Variants in MRTFA observed in about 807,000 individuals in gnomAD.
MRTFA encodes myocardin related transcription factor A.
A neutral mutation model predicts 83.5 loss-of-function variants in MRTFA; 20 were observed. That is an observed-to-expected ratio of 0.24 (90% CI 0.17 to 0.35). The LOEUF is 0.35. Ranked by LOEUF, MRTFA falls within the 10% of genes least tolerant of loss-of-function variation. MRTFA has a pLI of 1.00. For synonymous variants in MRTFA, 659 were observed against 541.2 expected (o/e 1.22, Z -3.02); for missense variants, 1,200 against 1,224.7 (o/e 0.98, Z 0.30).
At chr22:40,623,982 C>T (rs1017676538) in intron 1 of MRTFA, among the ~76,000 whole-genome samples, 8 of 152,078 alleles carry the variant, frequency 5.3e-5, no homozygotes, top group Admixed American at 1.3e-4. Flanking sequence ...CACATGCCTC[C>T]GGTACCAGCT....
intron 2 of MRTFA, among the ~76,000 whole-genome samples, chr22:40,561,027 T>TA (rs770835945): frequency 1.6e-4 from 25 of 152,254 alleles, no homozygotes; most frequent in African/African-American, 4.8e-4. Flanking sequence ...AAACAATTGG[T>TA]AAAAAAACTG....
chr22:40,516,031 G>T (rs747237171), intron 3 of MRTFA, among the ~76,000 whole-genome samples: 1 of 152,126 alleles, frequency 6.6e-6, no homozygotes, highest in Admixed American at 6.5e-5. Flanking sequence ...TTGACCAAAA[G>T]CCTACATGCA....
chr22:40,622,629 C>T (rs181422119), intron 1 of MRTFA, among the ~76,000 whole-genome samples: 6 of 152,208 alleles, frequency 3.9e-5, no homozygotes, highest in Admixed American at 6.5e-5. Context: ...ATTGAAGTGA[C>T]GCTGCCACAA....
chr22:40,622,107 T>A (rs1421716789), intron 1 of MRTFA, among the ~76,000 whole-genome samples: 1 of 152,086 alleles, frequency 6.6e-6, no homozygotes, highest in Non-Finnish European at 1.5e-5. Context: ...CCAAAAGATA[T>A]CCATAGCCTA....
chr22:40,610,795 A>G (rs575065699), intron 1 of MRTFA, among the ~76,000 whole-genome samples: 28 of 151,938 alleles, frequency 1.8e-4, no homozygotes, highest in African/African-American at 5.1e-4. Flanking sequence ...TAAATAGGGG[A>G]AAAAAAGTCT....
In MRTFA at chr22:40,435,517, C is replaced by T. The variant is rs755529229; in HGVS notation, c.345G>A (p.Arg115=). The T allele has an allele frequency of 4.3e-6, 7 of 1,614,226 alleles. No homozygotes were observed. The highest frequency in any genetic ancestry group is 5.1e-6 in the Non-Finnish European group (6 of 1,180,040). ...ACCTTACCCTGGCCCGCTCCAAGCTCCTTCTCTGCTCATGAAATGCGGCTG... is the reference window on the plus strand; with the variant it reads ...ACCTTACCCTGGCCCGCTCCAAGCTTCTTCTCTGCTCATGAAATGCGGCTG... The change falls in exon 5 of 15, where the codon AGG becomes AGA. Residue 115 remains arginine (R), a synonymous_variant. Coordinates refer to ENST00000355630, the MANE Select transcript of MRTFA (RefSeq NM_020831.6).
intron 1 of MRTFA, among the ~76,000 whole-genome samples, chr22:40,611,059 T>G (rs1455856813): frequency 6.8e-6 from 1 of 147,472 alleles, no homozygotes; most frequent in Non-Finnish European, 1.5e-5. Context: ...GGCCTCAGCC[T>G]CCCATGTAGC....
At chr22:40,479,939 T>C (rs1460242750) in intron 3 of MRTFA, among the ~76,000 whole-genome samples, 1 of 152,156 alleles carries the variant, frequency 6.6e-6, no homozygotes. Context: ...AACTTACACA[T>C]CTAACCAGGT....
chr22:40,608,011 C>G (rs116208827), intron 1 of MRTFA, among the ~76,000 whole-genome samples: 1 of 151,970 alleles, frequency 6.6e-6, no homozygotes, highest in African/African-American at 2.4e-5. Flanking sequence ...CATAGACAGG[C>G]CATCAGGGGT....
chr22:40,418,014 C>CA (rs2052723558), intron 12 of MRTFA, among the ~76,000 whole-genome samples: 1 of 152,138 alleles, frequency 6.6e-6, no homozygotes, highest in African/African-American at 2.4e-5. Context: ...GAGGACCCCA[C>CA]AGCCTCTCCC....
chr22:40,552,015 C>G, intron 3 of MRTFA, 91 bp downstream of exon 3: 1 of 394,478 alleles, frequency 2.5e-6, no homozygotes, highest in Non-Finnish European at 4.5e-6. Flanking sequence ...GGAACTTTCA[C>G]GGAACATCAA....
At chr22:40,565,512 A>C (rs2055689935) in intron 2 of MRTFA, among the ~76,000 whole-genome samples, 2 of 152,212 alleles carry the variant, frequency 1.3e-5, no homozygotes, top group South Asian at 4.1e-4. Context: ...GCACCACTGC[A>C]TTCCAGCCTG....
At position 40,594,279 on chromosome 22, in the gene MRTFA, CAG is replaced by C. The variant is rs1700401716; in HGVS notation, c.-22+393_-22+394del. ...ACAGGCTACTGATTTTTAGAGTGATCAGAATAAGCTAGCCTACCATTACCCAC... is the reference window on the plus strand; with the variant it reads ...ACAGGCTACTGATTTTTAGAGTGATCAATAAGCTAGCCTACCATTACCCAC... On this transcript the variant is annotated intron_variant, in intron 2 of 14. Transcript: ENST00000355630. 3.3e-5 allele frequency among the ~76,000 whole-genome samples: 5 copies of C among 152,270 alleles called. No individual in the cohort carries two copies. The South Asian group carries it at 1.0e-3, about 32-fold the overall frequency.
At chr22:40,499,986 ATC>A (rs2054430091) in intron 3 of MRTFA, among the ~76,000 whole-genome samples, 1 of 130,666 alleles carries the variant, frequency 7.7e-6, no homozygotes, top group African/African-American at 3.0e-5. Context: ...AAATGGTACG[ATC>A]TCGGCTCACC....
intron 1 of MRTFA, among the ~76,000 whole-genome samples, chr22:40,619,889 C>CAAAAAA (rs1213944103): frequency 1.9e-5 from 1 of 52,438 alleles, no homozygotes; most frequent in African/African-American, 7.6e-5. Flanking sequence ...AACTCCGTCT[C>CAAAAAA]AAAAAAAAAA....
chr22:40,535,406 A>G lies in MRTFA; in HGVS notation c.241+16700T>C, dbSNP rs116452630. Reference sequence around the variant, plus strand: ...TCTCACTCTGTCCCCCAGACTGAGTACAATGGCATGATCTCAGGTCACTGC... The same window carrying G: ...TCTCACTCTGTCCCCCAGACTGAGTGCAATGGCATGATCTCAGGTCACTGC... On this transcript the variant is annotated intron_variant, in intron 3 of 14. Coordinates refer to ENST00000355630, the MANE Select transcript of MRTFA (RefSeq NM_020831.6). Among the ~76,000 whole-genome samples, 626 of 131,362 alleles carry G rather than the reference A, an allele frequency of 4.8e-3. 6 individuals carry two copies. Among genetic ancestry groups the G allele is most frequent in the African/African-American group, 0.018 (602 of 34,278 alleles). The allele number at this position is 131,362 out of a possible 152,430, so 86.2% of individuals were successfully genotyped here.
chr22:40,517,261 G>A (rs935721343), intron 3 of MRTFA, among the ~76,000 whole-genome samples: 1 of 152,144 alleles, frequency 6.6e-6, no homozygotes, highest in Non-Finnish European at 1.5e-5. Context: ...AAAGTTGGAG[G>A]TTTTTTTGTT....
chr22:40,507,212 T>G (rs566726777), intron 3 of MRTFA, among the ~76,000 whole-genome samples: 11 of 152,074 alleles, frequency 7.2e-5, no homozygotes, highest in African/African-American at 1.7e-4. Flanking sequence ...ATACAAAAAA[T>G]TAGCCAGGCG....
chr22:40,480,993 G>A (rs954028362), intron 3 of MRTFA, among the ~76,000 whole-genome samples: 1 of 152,062 alleles, frequency 6.6e-6, no homozygotes, highest in Non-Finnish European at 1.5e-5. Context: ...TTAGCCAGGT[G>A]TAGTAGTCCT....
Sources: gnomAD v4.1 joint callset for allele counts (sites outside exome capture counted in the v4.1 genomes callset) on GRCh38, gnomAD v4.1.1 for gene constraint, MANE v1.5 for transcripts, NCBI Gene and HGNC (gene_info 2026-07-23, HGNC 2026-07-21) for gene names.